NAALADL2: variants seen among roughly 807,000 people sequenced by gnomAD.
The protein encoded by NAALADL2 is inactive N-acetylated-alpha-linked acidic dipeptidase-like protein 2.
In NAALADL2, 76 loss-of-function variants were observed where a neutral mutation model predicts 87.2. That is an observed-to-expected ratio of 0.87 (90% CI 0.72 to 1.05). The LOEUF (loss-of-function observed/expected upper bound fraction) is 1.05. NAALADL2 is among the 50% of genes least tolerant of loss of function. The probability of loss-of-function intolerance (pLI) is 0.00; values close to 1 mark genes in which losing one functional copy is unlikely to be tolerated. For missense variants in NAALADL2, 1,089 were observed against 945.8 expected, an observed-to-expected ratio of 1.15 and a Z score of -1.99; for synonymous variants, 354 against 331.0, an observed-to-expected ratio of 1.07 and a Z score of -0.75.
At chr3:175,292,907 G>A (rs1581280736) in intron 4 of NAALADL2, among the ~76,000 whole-genome samples, 1 of 151,838 alleles carries the variant, frequency 6.6e-6, no homozygotes, top group South Asian at 2.1e-4. Context: ...CTTGGTGGCA[G>A]GTGCCTGTAG....
At chr3:175,764,218 T>C (rs565151459) in intron 13 of NAALADL2, among the ~76,000 whole-genome samples, 128 of 152,026 alleles carry the variant, frequency 8.4e-4, no homozygotes, top group Non-Finnish European at 1.4e-3. Flanking sequence ...TTCATTCTTA[T>C]GTATGGTATT....
intron 1 of NAALADL2, among the ~76,000 whole-genome samples, chr3:174,880,928 C>T (rs1025971217): frequency 6.6e-6 from 1 of 152,050 alleles, no homozygotes; most frequent in African/African-American, 2.4e-5. Context: ...GATGGCAATC[C>T]TTGGAATTCC....
At chr3:175,240,817 G>A (rs572031228) in intron 3 of NAALADL2, among the ~76,000 whole-genome samples, 8 of 151,988 alleles carry the variant, frequency 5.3e-5, no homozygotes, top group Admixed American at 2.6e-4. Flanking sequence ...CACCACACCC[G>A]GCTAATTTTG....
At chr3:175,164,561 A>C (rs1465360663) in intron 2 of NAALADL2, among the ~76,000 whole-genome samples, 2 of 152,146 alleles carry the variant, frequency 1.3e-5, no homozygotes, top group African/African-American at 4.8e-5. Context: ...CTGTTAGTTA[A>C]CCAAGTACAT....
intron 9 of NAALADL2, among the ~76,000 whole-genome samples, chr3:175,535,722 C>T (rs1190288332): frequency 6.6e-6 from 1 of 152,132 alleles, no homozygotes. Flanking sequence ...GGAACATATA[C>T]TTTAAATGTT....
At chr3:174,557,624 A>C (rs1322266390) in intron 2 of NAALADL2, among the ~76,000 whole-genome samples, 1 of 152,196 alleles carries the variant, frequency 6.6e-6, no homozygotes, top group Admixed American at 6.5e-5. Flanking sequence ...AAATATTTTC[A>C]TCCAGTTACT....
At chr3:175,513,586 TATATGTA>T (rs1731452805) in intron 9 of NAALADL2, among the ~76,000 whole-genome samples, 1 of 152,168 alleles carries the variant, frequency 6.6e-6, no homozygotes, top group African/African-American at 2.4e-5. Flanking sequence ...AATTGATGAA[TATATGTA>T]AAAAACAAGC....
intron 1 of NAALADL2, among the ~76,000 whole-genome samples, chr3:174,871,270 C>A (rs573673992): frequency 6.6e-6 from 1 of 152,198 alleles, no homozygotes; most frequent in Non-Finnish European, 1.5e-5. Context: ...TTTATATTAT[C>A]CATAAACATA....
At chr3:175,125,440 A>G (rs1202105953) in intron 2 of NAALADL2, among the ~76,000 whole-genome samples, 1 of 152,046 alleles carries the variant, frequency 6.6e-6, no homozygotes, top group African/African-American at 2.4e-5. Context: ...CTATTGCACT[A>G]ATCCAGATGG....
intron 1 of NAALADL2, among the ~76,000 whole-genome samples, chr3:175,011,280 CAGAGAGAGAGAGAGAGAGAG>C (rs139229550): frequency 1.8e-5 from 2 of 113,476 alleles, no homozygotes; most frequent in Non-Finnish European, 3.4e-5. Context: ...GACAGAGAGA[CAGAGAGAGAGAGAGAGAGAG>C]AGAGAGAGAG....
chr3:175,151,160 C>T (rs1182358143), intron 2 of NAALADL2, among the ~76,000 whole-genome samples: 2 of 152,134 alleles, frequency 1.3e-5, no homozygotes, highest in Non-Finnish European at 2.9e-5. Context: ...AAGAGATGTC[C>T]CAGAGACTGT....
chr3:174,521,571 C>CAAAAAAAAAAAAAAAAA (rs58465181), intron 1 of NAALADL2, among the ~76,000 whole-genome samples: 13 of 56,196 alleles, frequency 2.3e-4, no homozygotes, highest in Non-Finnish European at 2.5e-4. Context: ...GACCCTGTCT[C>CAAAAAAAAAAAAAAAAA]AAAAAAAAAA....
chr3:174,855,818 A>G (rs969276502), upstream of NAALADL2, among the ~76,000 whole-genome samples: 15 of 131,382 alleles, frequency 1.1e-4, no homozygotes, highest in Non-Finnish European at 1.9e-4. Context: ...ACACACACAC[A>G]CATGTATATG....
intron 1 of NAALADL2, among the ~76,000 whole-genome samples, chr3:175,040,763 G>A (rs941245861): frequency 6.6e-6 from 1 of 152,044 alleles, no homozygotes; most frequent in African/African-American, 2.4e-5. Flanking sequence ...TTCTTTTATA[G>A]GCAAGGCCAT....
intron 3 of NAALADL2, among the ~76,000 whole-genome samples, chr3:175,248,512 G>A (rs565800035): frequency 6.6e-6 from 1 of 152,064 alleles, no homozygotes; most frequent in Admixed American, 6.5e-5. Flanking sequence ...TGTCTCACTT[G>A]AAGCTCCAAA....
At chr3:175,160,527 T>C (rs907345388) in intron 2 of NAALADL2, among the ~76,000 whole-genome samples, 3 of 151,876 alleles carry the variant, frequency 2.0e-5, no homozygotes, top group Non-Finnish European at 2.9e-5. Context: ...TAATTTTGTA[T>C]TTTTAATAGA....
chr3:175,100,583 A>G (rs1008425121), intron 2 of NAALADL2, among the ~76,000 whole-genome samples: 10 of 152,162 alleles, frequency 6.6e-5, no homozygotes, highest in Admixed American at 5.2e-4. Context: ...AATGCCTGTA[A>G]TCCCAGCAGT....
chr3:174,643,807 A>G (rs1006848660), intron 2 of NAALADL2, among the ~76,000 whole-genome samples: 31 of 152,202 alleles, frequency 2.0e-4, no homozygotes, highest in African/African-American at 6.8e-4. Flanking sequence ...ACAACAGTGA[A>G]GTCACAGAAG....
chr3:174,792,024 C>G (rs781544342), intron 3 of NAALADL2, among the ~76,000 whole-genome samples: 6 of 152,096 alleles, frequency 3.9e-5, no homozygotes, highest in Non-Finnish European at 8.8e-5. Context: ...GCCTGGCCAA[C>G]ATGGTGAAAC....
Sources: allele counts gnomAD v4.1 joint callset (sites outside exome capture counted in the v4.1 genomes callset), GRCh38; gene constraint gnomAD v4.1.1; transcripts MANE v1.5; gene names NCBI Gene and HGNC (gene_info 2026-07-23, HGNC 2026-07-21).